Variants in STON2 observed in about 807,000 individuals in gnomAD.
The protein encoded by STON2 is stonin-2.
Under a neutral mutation model 65.7 loss-of-function variants are expected in STON2, and 29 were observed. The ratio of observed to expected loss-of-function variants is 0.44; its 90% confidence interval spans 0.33 to 0.60. STON2 has a LOEUF of 0.60. Among genes scored for constraint, STON2 ranks in the 20% least tolerant of loss-of-function variants. STON2 has a pLI of 0.03. For missense variants in STON2, 1,054 were observed against 1,118.1 expected (o/e 0.94, Z 0.82); for synonymous variants, 404 against 414.2 (o/e 0.98, Z 0.30).
rs142766749 is a variant in STON2 at position 81,279,193 on chromosome 14, T to C, written c.743-454A>G. 8.5e-4 allele frequency among the ~76,000 whole-genome samples: 129 copies of C among 152,326 alleles called. 1 individual carries two copies. The highest frequency in any genetic ancestry group is 3.0e-3 in the African/African-American group (124 of 41,576). On this transcript the variant is annotated intron_variant, in intron 5 of 7. Coordinates refer to ENST00000614646, the MANE Select transcript of STON2 (RefSeq NM_001394390.1). ...AGTGATAATATGATTATAAATAATA[T>C]TCTTGGAGGGATTTTAGCCTAAACA...
At chr14:81,343,230 A>C (rs1235103209) in intron 4 of STON2, among the ~76,000 whole-genome samples, 1 of 152,176 alleles carries the variant, frequency 6.6e-6, no homozygotes, top group Non-Finnish European at 1.5e-5. Flanking sequence ...CAAAGTGAAA[A>C]ATGCCCCCCA....
chr14:81,421,451 A>G (rs1275475038), intron 2 of STON2, among the ~76,000 whole-genome samples: 1 of 152,200 alleles, frequency 6.6e-6, no homozygotes, highest in African/African-American at 2.4e-5. Context: ...TGTTTTTTAG[A>G]AAAAGGTTAT....
At chr14:81,346,344 T>G (rs1171387292) in intron 4 of STON2, among the ~76,000 whole-genome samples, 1 of 152,096 alleles carries the variant, frequency 6.6e-6, no homozygotes, top group Non-Finnish European at 1.5e-5. Flanking sequence ...GAAGACGGAC[T>G]ACAGGTCACT....
chr14:81,313,457 C>G (rs976468902), intron 5 of STON2, among the ~76,000 whole-genome samples: 1 of 151,494 alleles, frequency 6.6e-6, no homozygotes, highest in African/African-American at 2.4e-5. Context: ...GCTTGCTTCA[C>G]AACTCTTCAG....
upstream of STON2, among the ~76,000 whole-genome samples, chr14:81,402,044 C>A (rs1390953807): frequency 6.6e-6 from 1 of 152,100 alleles, no homozygotes; most frequent in Non-Finnish European, 1.5e-5. Context: ...TCTGAACAAG[C>A]CTCTGTCTGA....
At chr14:81,271,354 G>A (rs1293401285) in intron 6 of STON2, among the ~76,000 whole-genome samples, 2 of 152,174 alleles carry the variant, frequency 1.3e-5, no homozygotes, top group African/African-American at 4.8e-5. Context: ...GCTTTTGCGG[G>A]TAAATGATAT....
chr14:81,336,861 G>C (rs981308836), intron 4 of STON2, among the ~76,000 whole-genome samples: 2 of 152,174 alleles, frequency 1.3e-5, no homozygotes, highest in African/African-American at 4.8e-5. Flanking sequence ...TGGGCAGAGA[G>C]GCTTTAACCT....
intron 3 of STON2, among the ~76,000 whole-genome samples, chr14:81,382,294 T>C (rs2140398433): frequency 6.6e-6 from 1 of 152,272 alleles, no homozygotes; most frequent in East Asian, 1.9e-4. Flanking sequence ...GATTGTAGCA[T>C]ATTACTATAA....
At position 81,267,381 on chromosome 14, in the gene STON2, AT is replaced by A; in HGVS notation, c.*1032del. 1 of 985,436 alleles carries A rather than the reference AT, an allele frequency of 1.0e-6. No individual in the cohort carries two copies. Among genetic ancestry groups the A allele is most frequent in the Non-Finnish European group, 1.2e-6 (1 of 829,936 alleles). The allele number at this position is 985,436 out of a possible 1,614,324, so 61.0% of individuals were successfully genotyped here. On this transcript the variant is annotated 3_prime_UTR_variant, in exon 8 of 8. Coordinates refer to ENST00000614646, the MANE Select transcript of STON2 (RefSeq NM_001394390.1). ...AACTCTGAATTTTGGGGGAAAGCTC[AT>A]TCAAGCTTAATTTTAAAACAGCTTT...
At chr14:81,355,816 A>C (rs931298329) in intron 4 of STON2, among the ~76,000 whole-genome samples, 2 of 151,908 alleles carry the variant, frequency 1.3e-5, no homozygotes, top group African/African-American at 4.8e-5. Context: ...TTTGTCTGTT[A>C]TTGGTGTATA....
intron 4 of STON2, among the ~76,000 whole-genome samples, chr14:81,359,657 G>A (rs929798744): frequency 6.6e-6 from 1 of 151,934 alleles, no homozygotes; most frequent in Non-Finnish European, 1.5e-5. Context: ...GAAGACACAA[G>A]TAAATAAAAT....
chr14:81,396,789 T>C (rs1900347151), intron 2 of STON2, among the ~76,000 whole-genome samples: 2 of 152,186 alleles, frequency 1.3e-5, no homozygotes, highest in Non-Finnish European at 2.9e-5. Flanking sequence ...CCGGGCGCAG[T>C]GGCTCATGCC....
chr14:81,277,253 C>T lies in STON2; in HGVS notation c.2229G>A (p.Leu743=). The T allele has an allele frequency of 6.2e-7, 1 of 1,614,192 alleles. No homozygotes were observed. Among genetic ancestry groups the T allele is most frequent in the Non-Finnish European group, 8.5e-7 (1 of 1,180,042 alleles). The change falls in exon 6 of 8, where the codon TTG becomes TTA. Residue 743 remains leucine (L), a synonymous_variant. Transcript: ENST00000614646. ...TTGTGGCCGTCCTGAGTGTGAAAGG[C>T]AAGGTCTTCTCAGCAAACACTGTCC... The part of the protein sequence containing the change: ...RFRTVFAEKT[L]PFTLRTATSV...
rs768452303 is a variant in STON2, at chr14:81,389,053, G to A, written c.373+6841C>T. On this transcript the variant is annotated intron_variant, in intron 3 of 7. Coordinates refer to ENST00000614646, the MANE Select transcript of STON2 (RefSeq NM_001394390.1). ...AGGGGTTGCACAAGACAGGTACCAA[G>A]ATAAACATTTTTACATCTCTCCCAA... Among the ~76,000 whole-genome samples, 3 of 152,242 alleles carry A rather than the reference G, an allele frequency of 2.0e-5. No homozygotes were observed. In the South Asian group the frequency reaches 6.2e-4, roughly 32 times the overall value.
At position 81,371,122 on chromosome 14, in the gene STON2, A is replaced by G. The variant is rs754354693; in HGVS notation, c.437T>C (p.Leu146Pro). The G allele has an allele frequency of 6.2e-7, 1 of 1,614,182 alleles. No individual in the cohort carries two copies. Among genetic ancestry groups the G allele is most frequent in the African/African-American group, 1.3e-5 (1 of 75,068 alleles). Residue 146 changes from leucine (L) to proline (P), a missense_variant, in exon 4 of 8, where the codon CTG (leucine) becomes CCG (proline). Physicochemically the swap from Leu to Pro is moderately conservative, Grantham distance 98. Coordinates refer to ENST00000614646, the MANE Select transcript of STON2 (RefSeq NM_001394390.1). Reference protein sequence around the residue: ...PSFDSLGRCPLTSESSWTTHS... With the variant: ...PSFDSLGRCPPTSESSWTTHS... The stretch of plus-strand genomic sequence containing the variant: ...GGTGGTCCAGCTGCTCTCAGAAGTC[A>G]GAGGGCATCTCCCCAGGGAGTCAAA...
upstream of STON2, among the ~76,000 whole-genome samples, chr14:81,401,592 T>A (rs1566944892): frequency 6.6e-6 from 1 of 152,206 alleles, no homozygotes; most frequent in Non-Finnish European, 1.5e-5. Flanking sequence ...AATTAGTTGC[T>A]TGGTAAAAAC....
At chr14:81,393,586 T>C (rs911886795) in intron 3 of STON2, among the ~76,000 whole-genome samples, 2 of 152,222 alleles carry the variant, frequency 1.3e-5, no homozygotes, top group Non-Finnish European at 2.9e-5. Context: ...TCCTCCACCA[T>C]GTGTAATATG....
chr14:81,338,757 C>A (rs1461666251), intron 4 of STON2, among the ~76,000 whole-genome samples: 1 of 152,144 alleles, frequency 6.6e-6, no homozygotes, highest in Non-Finnish European at 1.5e-5. Flanking sequence ...TGCTGGATAA[C>A]TGGTTGTTAG....
At chr14:81,347,738 C>A (rs61560331) in intron 4 of STON2, among the ~76,000 whole-genome samples, 8 of 148,074 alleles carry the variant, frequency 5.4e-5, no homozygotes, top group Admixed American at 5.3e-4. Flanking sequence ...ACCCCCTCCC[C>A]CTTCTCTATA....
Sources: gnomAD v4.1 joint callset for allele counts (sites outside exome capture counted in the v4.1 genomes callset) on GRCh38, gnomAD v4.1.1 for gene constraint, MANE v1.5 for transcripts, NCBI Gene and HGNC (gene_info 2026-07-23, HGNC 2026-07-21) for gene names.